CDIN1: variants seen among roughly 807,000 people sequenced by gnomAD.
CDIN1 encodes the protein CDAN1-interacting nuclease 1.
A neutral mutation model predicts 45.3 loss-of-function variants in CDIN1; 33 were observed. The observed-to-expected ratio is 0.73, with a 90% CI of 0.55 to 0.97. The LOEUF (loss-of-function observed/expected upper bound fraction) is 0.97. CDIN1 is among the 50% of genes least tolerant of loss of function. The probability of loss-of-function intolerance (pLI) is 0.00; values close to 1 mark genes in which losing one functional copy is unlikely to be tolerated. For missense variants in CDIN1, 303 were observed against 339.4 expected (o/e 0.89, Z 0.84); for synonymous variants, 118 against 124.4 (o/e 0.95, Z 0.34).
chr15:36,616,754 G>T (rs1566836022), intron 1 of CDIN1, among the ~76,000 whole-genome samples: 2 of 151,732 alleles, frequency 1.3e-5, no homozygotes, highest in African/African-American at 4.8e-5. Flanking sequence ...GTGAAACCCT[G>T]TTTCTACTAA....
Position 36,702,151 on chromosome 15 carries a change from G to A in CDIN1, c.544+4761G>A, listed in dbSNP as rs545507066. The stretch of plus-strand genomic sequence containing the variant: ...TAGGCTGAAGGGAATGGAGATGGCT[G>A]GGTATTTCATAAGGAATCCACCATT... On this transcript the variant is annotated intron_variant, in intron 8 of 10. Coordinates refer to ENST00000566621, the MANE Select transcript of CDIN1 (RefSeq NM_001321759.2). 59 of 701,720 alleles carry A rather than the reference G, an allele frequency of 8.4e-5. No homozygotes were observed. The African/African-American group carries it at 9.4e-4, about 11-fold the overall frequency. 43.5% of individuals were successfully genotyped at this position (701,720 alleles called of 1,614,324 possible). A position where few individuals can be genotyped will look rare whatever the true frequency, so the allele number is the denominator to read the frequency against.
At chr15:36,647,463 A>C (rs915432536) in intron 3 of CDIN1, 3 of 152,234 alleles carry the variant, frequency 2.0e-5, no homozygotes, top group African/African-American at 7.2e-5. Flanking sequence ...TTGAAACAAA[A>C]ACATGAAGTT....
At chr15:36,720,110 G>A (rs777404815) in intron 10 of CDIN1, among the ~76,000 whole-genome samples, 22 of 149,720 alleles carry the variant, frequency 1.5e-4, no homozygotes, top group Non-Finnish European at 2.7e-4. Context: ...TTTCATTGGT[G>A]TGTAATCATA....
At chr15:36,746,669 CCACACACA>C (rs34320677) in intron 10 of CDIN1, among the ~76,000 whole-genome samples, 1 of 141,432 alleles carries the variant, frequency 7.1e-6, no homozygotes, top group Non-Finnish European at 1.5e-5. Flanking sequence ...ATATATGGTT[CCACACACA>C]CACACACACA....
At position 36,618,618 on chromosome 15, in the gene CDIN1, C is replaced by T; in HGVS notation, c.102-25660C>T. ...TGTCTGATGTTGTTAAAGGTGTCTA[C>T]AAAGAAAAGGATAATGAAGTGTTGA... On this transcript the variant is annotated intron_variant, in intron 1 of 10. Transcript: ENST00000566621. The T allele has an allele frequency of 4.9e-6, 4 of 821,220 alleles. No individual in the cohort carries two copies. In the South Asian group the frequency reaches 5.3e-5, roughly 11 times the overall value. 50.9% of individuals were successfully genotyped at this position (821,220 alleles called of 1,614,324 possible).
chr15:36,808,191 C>G (rs1254861465), intron 10 of CDIN1, 133 bp from the exon 11 acceptor site: 2 of 1,238,692 alleles, frequency 1.6e-6, no homozygotes, highest in East Asian at 4.7e-5. Flanking sequence ...TATTTTCAGT[C>G]ACAATGGTAG....
At chr15:36,726,174 T>C (rs2043617716) in intron 10 of CDIN1, among the ~76,000 whole-genome samples, 1 of 152,204 alleles carries the variant, frequency 6.6e-6, no homozygotes, top group Non-Finnish European at 1.5e-5. Flanking sequence ...CCTGTTTTAC[T>C]CATATCACTG....
rs549525403 is a variant in CDIN1, at chr15:36,584,885, T to C, written c.101+4924T>C. On this transcript the variant is annotated intron_variant, in intron 1 of 10. Coordinates refer to ENST00000566621, the MANE Select transcript of CDIN1 (RefSeq NM_001321759.2). ...AATTTTTAAAAATACTCATCAACTT[T>C]ATAACAAAATAATGTTGAACAAAAT... Among the ~76,000 whole-genome samples, 5 of 152,360 alleles carry C rather than the reference T, an allele frequency of 3.3e-5. No individual in the cohort carries two copies. In the South Asian group the frequency reaches 1.0e-3, roughly 32 times the overall value.
intron 5 of CDIN1, among the ~76,000 whole-genome samples, chr15:36,682,767 C>CAAAAA (rs10706117): frequency 1.1e-4 from 7 of 61,366 alleles, no homozygotes; most frequent in East Asian, 6.1e-4. Context: ...AAGACCCTGC[C>CAAAAA]AAAAAAAAAA....
At chr15:36,598,771 CT>C (rs539110305) in intron 1 of CDIN1, among the ~76,000 whole-genome samples, 3 of 150,812 alleles carry the variant, frequency 2.0e-5, no homozygotes, top group East Asian at 1.9e-4. Flanking sequence ...CATCCCCCAT[CT>C]TTTTTTTTGG....
At chr15:36,690,364 G>T (rs573259140) in intron 5 of CDIN1, among the ~76,000 whole-genome samples, 2 of 151,958 alleles carry the variant, frequency 1.3e-5, no homozygotes, top group Admixed American at 6.6e-5. Flanking sequence ...CGCCTCCCGG[G>T]TTCATGCCAT....
chr15:36,786,888 C>G (rs1202071249), intron 10 of CDIN1, among the ~76,000 whole-genome samples: 1 of 152,074 alleles, frequency 6.6e-6, no homozygotes, highest in Non-Finnish European at 1.5e-5. Flanking sequence ...CTCTTGACTT[C>G]TGTGATACCA....
chr15:36,725,593 T>A lies in CDIN1; in HGVS notation c.716+15632T>A, dbSNP rs184593325. Among the ~76,000 whole-genome samples the A allele has an allele frequency of 1.4e-4, 22 of 152,292 alleles. No individual in the cohort carries two copies. The East Asian group carries it at 4.2e-3, about 29-fold the overall frequency. ...AATGTACATAAAGGTAAATTGTAGA[T>A]AAATTGAAGTAATTATCTCCTGTGT... On this transcript the variant is annotated intron_variant, in intron 10 of 10. Coordinates refer to ENST00000566621, the MANE Select transcript of CDIN1 (RefSeq NM_001321759.2).
intron 1 of CDIN1, among the ~76,000 whole-genome samples, chr15:36,604,365 C>T (rs1012060609): frequency 6.9e-6 from 1 of 144,836 alleles, no homozygotes; most frequent in African/African-American, 2.5e-5. Context: ...GACCCAACAG[C>T]AAACCCAAAA....
chr15:36,632,701 T>A (rs958263738), intron 1 of CDIN1, among the ~76,000 whole-genome samples: 5 of 152,190 alleles, frequency 3.3e-5, no homozygotes, highest in Non-Finnish European at 4.4e-5. Flanking sequence ...AGACTCTAAT[T>A]ATTGAATTTC....
intron 4 of CDIN1, 82 bp downstream of exon 4, chr15:36,654,240 C>G (rs10220785): frequency 9.1e-7 from 1 of 1,099,114 alleles, no homozygotes; most frequent in Non-Finnish European, 1.3e-6. Flanking sequence ...ACAATTATAA[C>G]TACCTTTGGA....
intron 3 of CDIN1, among the ~76,000 whole-genome samples, chr15:36,652,711 A>G (rs1277746340): frequency 6.6e-6 from 1 of 152,182 alleles, no homozygotes; most frequent in Non-Finnish European, 1.5e-5. Context: ...ATTATTTTGA[A>G]GTTACAATGA....
At chr15:36,658,049 A>G in intron 5 of CDIN1, 144 bp downstream of exon 5, 1 of 644,986 alleles carries the variant, frequency 1.6e-6, no homozygotes, top group Non-Finnish European at 2.7e-6. Flanking sequence ...AATGCAATAT[A>G]AAAGACCACC....
chr15:36,622,777 A>T (rs1341658286), intron 1 of CDIN1, among the ~76,000 whole-genome samples: 1 of 152,224 alleles, frequency 6.6e-6, no homozygotes, highest in Non-Finnish European at 1.5e-5. Context: ...AACCAGGCAG[A>T]GCCTGGCCTT....
Sources: allele counts gnomAD v4.1 joint callset (sites outside exome capture counted in the v4.1 genomes callset), GRCh38; gene constraint gnomAD v4.1.1; transcripts MANE v1.5; gene names NCBI Gene and HGNC (gene_info 2026-07-23, HGNC 2026-07-21).